HMGA2: variants seen among roughly 807,000 people sequenced by gnomAD.
HMGA2 encodes high mobility group AT-hook 2.
Under a neutral mutation model 19.1 loss-of-function variants are expected in HMGA2, and 8 were observed. The ratio of observed to expected loss-of-function variants is 0.42; its 90% CI spans 0.25 to 0.76. The LOEUF is 0.76. Ranked by LOEUF, HMGA2 falls within the 30% of genes least tolerant of loss-of-function variation. The pLI, the probability that HMGA2 is intolerant of heterozygous loss-of-function variation, is 0.28. For synonymous variants in HMGA2, 60 were observed against 48.8 expected, an observed-to-expected ratio of 1.23 and a Z score of -0.96; for missense variants, 109 against 136.3, an observed-to-expected ratio of 0.80 and a Z score of 1.00.
intron 3 of HMGA2, among the ~76,000 whole-genome samples, chr12:65,922,899 C>T (rs1375092650): frequency 1.3e-5 from 2 of 152,148 alleles, no homozygotes; most frequent in South Asian, 2.1e-4. Flanking sequence ...CCGCTTTTGC[C>T]TCTTCCTCAT....
At chr12:65,858,327 C>T (rs1871851441) in intron 3 of HMGA2, 1 of 150,844 alleles carries the variant, frequency 6.6e-6, no homozygotes, top group Non-Finnish European at 1.5e-5. Context: ...CTCTACCTTT[C>T]TCATTTACAA....
At chr12:65,917,450 C>T (rs1875145853) in intron 3 of HMGA2, among the ~76,000 whole-genome samples, 2 of 152,184 alleles carry the variant, frequency 1.3e-5, no homozygotes, top group African/African-American at 4.8e-5. Context: ...TTCCTCCATG[C>T]TCTCTAGCAC....
At chr12:65,934,510 C>A (rs1410745342) in intron 3 of HMGA2, among the ~76,000 whole-genome samples, 1 of 152,160 alleles carries the variant, frequency 6.6e-6, no homozygotes, top group Non-Finnish European at 1.5e-5. Flanking sequence ...TGGCTATAAC[C>A]AGAGAATGCA....
intron 3 of HMGA2, among the ~76,000 whole-genome samples, chr12:65,871,402 C>G (rs1158674388): frequency 6.6e-6 from 1 of 152,126 alleles, no homozygotes; most frequent in African/African-American, 2.4e-5. Flanking sequence ...TTGCTGACTC[C>G]TGCTCTATTG....
At chr12:65,949,388 A>T (rs1335019569) in intron 3 of HMGA2, among the ~76,000 whole-genome samples, 1 of 152,102 alleles carries the variant, frequency 6.6e-6, no homozygotes, top group African/African-American at 2.4e-5. Flanking sequence ...GAATGAATGA[A>T]CAGGGGCTAG....
chr12:65,930,919 G>T (rs1592452951), intron 3 of HMGA2, among the ~76,000 whole-genome samples: 1 of 152,168 alleles, frequency 6.6e-6, no homozygotes, highest in East Asian at 1.9e-4. Flanking sequence ...GGGATATGGT[G>T]CAGCTGAACT....
At chr12:65,879,525 A>G (rs982169927) in intron 3 of HMGA2, among the ~76,000 whole-genome samples, 1 of 152,216 alleles carries the variant, frequency 6.6e-6, no homozygotes, top group African/African-American at 2.4e-5. Context: ...GCATGGCCAG[A>G]AAAAAGAGAA....
At chr12:65,929,685 A>ACTC (rs1245711296) in intron 3 of HMGA2, among the ~76,000 whole-genome samples, 1 of 152,020 alleles carries the variant, frequency 6.6e-6, no homozygotes, top group Admixed American at 6.6e-5. Flanking sequence ...CCTTACACCA[A>ACTC]CTCTTCAAGC....
At chr12:65,829,426 T>C (rs1870377307) in intron 2 of HMGA2, among the ~76,000 whole-genome samples, 2 of 152,112 alleles carry the variant, frequency 1.3e-5, no homozygotes, top group Admixed American at 6.5e-5. Flanking sequence ...TTTACATTTG[T>C]TTCATTTTAT....
chr12:65,885,660 C>T (rs1159924403), intron 3 of HMGA2, among the ~76,000 whole-genome samples: 4 of 152,172 alleles, frequency 2.6e-5, no homozygotes, highest in Non-Finnish European at 4.4e-5. Flanking sequence ...ATCGCTCATG[C>T]ACCTGACAGC....
At chr12:65,915,645 C>G in intron 3 of HMGA2, 2 of 718,912 alleles carry the variant, frequency 2.8e-6, no homozygotes, top group Non-Finnish European at 3.5e-6. Flanking sequence ...ATTTCATTCC[C>G]AGCTTCAGAT....
intron 3 of HMGA2, among the ~76,000 whole-genome samples, chr12:65,949,082 A>C (rs1876365301): frequency 6.6e-6 from 1 of 152,176 alleles, no homozygotes; most frequent in African/African-American, 2.4e-5. Context: ...ATCCTCTATT[A>C]GCCCACGCTT....
chr12:65,883,176 G>A (rs1353409059), intron 3 of HMGA2, among the ~76,000 whole-genome samples: 1 of 152,232 alleles, frequency 6.6e-6, no homozygotes, highest in African/African-American at 2.4e-5. Flanking sequence ...TACTCTAGGG[G>A]TGAAAGAAGA....
chr12:65,871,325 C>T (rs1872699653), intron 3 of HMGA2, among the ~76,000 whole-genome samples: 1 of 152,180 alleles, frequency 6.6e-6, no homozygotes, highest in Non-Finnish European at 1.5e-5. Context: ...AGCTGAGTAC[C>T]TGCCACAGAG....
chr12:65,902,696 T>G (rs1874422217), intron 3 of HMGA2, among the ~76,000 whole-genome samples: 1 of 152,170 alleles, frequency 6.6e-6, no homozygotes, highest in Non-Finnish European at 1.5e-5. Context: ...ACAGACAGTA[T>G]GTTTTGGTAT....
chr12:65,931,162 T>C (rs1297179751), intron 3 of HMGA2, among the ~76,000 whole-genome samples: 2 of 152,194 alleles, frequency 1.3e-5, no homozygotes, highest in Non-Finnish European at 2.9e-5. Context: ...TTGTTCAGCA[T>C]CAAAGAAAAG....
At chr12:65,913,370 C>T (rs1451730676) in intron 3 of HMGA2, among the ~76,000 whole-genome samples, 2 of 152,186 alleles carry the variant, frequency 1.3e-5, no homozygotes, top group Non-Finnish European at 2.9e-5. Flanking sequence ...CCCCAGTCTT[C>T]CTCAGCCACT....
chr12:65,927,244 T>C (rs1875540343), intron 3 of HMGA2, among the ~76,000 whole-genome samples: 1 of 152,206 alleles, frequency 6.6e-6, no homozygotes, highest in Non-Finnish European at 1.5e-5. Flanking sequence ...ACTGAATTTA[T>C]TCCCTTCATG....
Position 65,910,191 on chromosome 12 carries a change from G to A in HMGA2, c.250-41192G>A, listed in dbSNP as rs115380816. Among the ~76,000 whole-genome samples, 323 of 152,272 alleles carry A rather than the reference G, an allele frequency of 2.1e-3. 4 individuals carry two copies. Among genetic ancestry groups the A allele is most frequent in the African/African-American group, 7.3e-3 (305 of 41,578 alleles). Reference sequence around the variant, plus strand: ...TTACACTCATTTTTACTCAGCCACAGCTGAAAACATGCTCCTTTCTCTGCC... The same window carrying A: ...TTACACTCATTTTTACTCAGCCACAACTGAAAACATGCTCCTTTCTCTGCC... On this transcript the variant is annotated intron_variant, in intron 3 of 4. Coordinates refer to ENST00000403681, the MANE Select transcript of HMGA2 (RefSeq NM_003483.6).
Sources: allele counts gnomAD v4.1 joint callset (sites outside exome capture counted in the v4.1 genomes callset), GRCh38; gene constraint gnomAD v4.1.1; transcripts MANE v1.5; gene names NCBI Gene and HGNC (gene_info 2026-07-23, HGNC 2026-07-21).